POLA1: variants seen among roughly 807,000 people sequenced by gnomAD.
The protein encoded by POLA1 is DNA polymerase alpha catalytic subunit.
In POLA1, 15 loss-of-function variants were observed where a neutral mutation model predicts 124.0. The observed-to-expected ratio is 0.12, with a 90% CI of 0.08 to 0.19. The LOEUF (loss-of-function observed/expected upper bound fraction) is 0.19, where lower values mean the gene tolerates loss of function less well. POLA1 is among the 10% of genes least tolerant of loss of function. POLA1 has a pLI of 1.00. For synonymous variants in POLA1, 408 were observed against 389.4 expected (o/e 1.05, Z -0.56); for missense variants, 886 against 1,103.4 (o/e 0.80, Z 2.79).
chrX:24,747,145 G>A (rs1220371982), intron 24 of POLA1, among the ~76,000 whole-genome samples: 7 of 108,576 alleles, frequency 6.4e-5, no homozygotes, highest in Non-Finnish European at 9.5e-5. Context: ...CTATTTAAAT[G>A]TGCTCCAAGC....
At position 24,726,066 on chromosome X, in the gene POLA1, CAA is replaced by C; in HGVS notation, c.1392+13_1392+14del. ...GAAGTTAAATACTCGGTAAGTCAAA[CAA>C]AGAAAATTACTGGGTTTTGCTTGAG... On this transcript the variant is annotated intron_variant, in intron 13 of 36. Coordinates refer to ENST00000379068, the MANE Select transcript of POLA1 (RefSeq NM_001330360.2). The C allele has an allele frequency of 3.9e-6, 4 of 1,037,340 alleles. No homozygotes were observed. The highest frequency in any genetic ancestry group is 5.3e-6 in the Non-Finnish European group (4 of 747,729). 85.5% of individuals were successfully genotyped at this position (1,037,340 alleles called of 1,213,427 possible).
At chrX:24,977,338 T>C (rs1171757848) in intron 36 of POLA1, among the ~76,000 whole-genome samples, 1 of 112,864 alleles carries the variant, frequency 8.9e-6, no homozygotes, top group African/African-American at 3.2e-5. Context: ...TCAGTGTTCC[T>C]CATAATTTTG....
intron 28 of POLA1, 110 bp from the exon 29 acceptor site, chrX:24,812,548 T>C: frequency 2.1e-6 from 1 of 482,550 alleles, no homozygotes. Context: ...AATTCCAATG[T>C]TGTATGACTT....
chrX:24,746,694 G>A (rs1376771978), intron 24 of POLA1, among the ~76,000 whole-genome samples: 2 of 111,969 alleles, frequency 1.8e-5, no homozygotes, highest in Non-Finnish European at 3.8e-5. Flanking sequence ...AAATTAGAAT[G>A]TGTACCAGGA....
chrX:24,780,945 A>G lies in POLA1; in HGVS notation c.2965-28953A>G, dbSNP rs2045249450. Among the ~76,000 whole-genome samples the G allele has an allele frequency of 2.7e-5, 3 of 111,833 alleles. No homozygotes were observed. The Admixed American group carries it at 2.9e-4, about 11-fold the overall frequency. On this transcript the variant is annotated intron_variant, in intron 26 of 36. Coordinates refer to ENST00000379068, the MANE Select transcript of POLA1 (RefSeq NM_001330360.2). ...AGAAACTATCTGGGCCTGGACTTTT[A>G]TTTGTTTAAAAATTTTTAACTACAA... is the stretch of plus-strand genomic sequence containing the variant.
chrX:24,725,399 T>C (rs1035393226), intron 12 of POLA1, among the ~76,000 whole-genome samples: 1 of 110,362 alleles, frequency 9.1e-6, no homozygotes, highest in Admixed American at 9.6e-5. Context: ...AGTTTCACCA[T>C]GTTGGCCAGG....
chrX:24,849,866 G>A (rs939576384), intron 34 of POLA1, among the ~76,000 whole-genome samples: 2 of 111,130 alleles, frequency 1.8e-5, no homozygotes, highest in African/African-American at 3.3e-5. Context: ...TCCTGACCTC[G>A]TGATTCGCCT....
intron 26 of POLA1, among the ~76,000 whole-genome samples, chrX:24,792,274 C>T (rs948288526): frequency 5.4e-5 from 6 of 111,555 alleles, no homozygotes; most frequent in African/African-American, 2.0e-4. Flanking sequence ...CCCCCCTCCC[C>T]AATACCACAG....
At chrX:24,734,537 C>T (rs1196942083) in intron 17 of POLA1, among the ~76,000 whole-genome samples, 1 of 111,614 alleles carries the variant, frequency 9.0e-6, no homozygotes, top group Non-Finnish European at 1.9e-5. Flanking sequence ...TTGGGAGGTA[C>T]TGTTAGATTA....
Position 24,748,914 on chromosome X carries a change from G to A in POLA1, c.2886G>A (p.Met962Ile), listed in dbSNP as rs1347097781. ...QKALKLTANS[M>I]YGCLGFSYSR... ...CTTTGAAGCTCACAGCGAACAGTAT[G>A]TATGGTTGCCTGGGATTTTCCTATA... Residue 962 changes from methionine to isoleucine, a missense_variant, in exon 26 of 37, where the codon ATG (methionine) becomes ATA (isoleucine). Met to Ile is a conservative substitution (Grantham distance 10, BLOSUM62 1). Coordinates refer to ENST00000379068, the MANE Select transcript of POLA1 (RefSeq NM_001330360.2). 2 of 1,205,799 alleles carry A rather than the reference G, an allele frequency of 1.7e-6. No individual in the cohort carries two copies. The highest frequency in any genetic ancestry group is 5.9e-5 in the East Asian group (2 of 33,839).
chrX:24,900,027 A>T (rs1320834482), intron 35 of POLA1, among the ~76,000 whole-genome samples: 1 of 112,084 alleles, frequency 8.9e-6, no homozygotes, highest in Non-Finnish European at 1.9e-5. Flanking sequence ...ATGATAAATT[A>T]TTCAGAGCTT....
intron 26 of POLA1, among the ~76,000 whole-genome samples, chrX:24,758,210 C>T (rs1318583103): frequency 9.0e-6 from 1 of 110,794 alleles, no homozygotes; most frequent in Non-Finnish European, 1.9e-5. Flanking sequence ...TTATAATAAA[C>T]AATATATACT....
chrX:24,708,166 G>A (rs1206937726), intron 4 of POLA1, among the ~76,000 whole-genome samples: 3 of 111,280 alleles, frequency 2.7e-5, no homozygotes, highest in Non-Finnish European at 5.7e-5. Context: ...TGAGATTAAA[G>A]CCCTCTCATG....
intron 23 of POLA1, 83 bp downstream of exon 23, chrX:24,743,412 G>C: frequency 2.0e-6 from 1 of 488,993 alleles, no homozygotes; most frequent in Non-Finnish European, 3.5e-6. Flanking sequence ...CTAGAAGACT[G>C]AATTATATCT....
rs1374389090 is a variant in POLA1 at position 24,702,066 on chromosome X, C to CT, written c.169-1172dup. Among the ~76,000 whole-genome samples, 803 of 84,155 alleles carry CT rather than the reference C, an allele frequency of 9.5e-3. 10 individuals are homozygous for CT. The highest frequency in any genetic ancestry group is 0.041 in the Middle Eastern group (5 of 121). 73.1% of individuals were successfully genotyped at this position (84,155 alleles called of 115,157 possible). On this transcript the variant is annotated intron_variant, in intron 2 of 36. Transcript: ENST00000379068. ...ACTGCACCTGGCCGAGAATCAGGTA[C>CT]TTTTTTTTTTTTTGAGATGGAGACT...
intron 4 of POLA1, among the ~76,000 whole-genome samples, chrX:24,713,124 C>T (rs1295943426): frequency 2.7e-5 from 3 of 110,210 alleles, no homozygotes; most frequent in African/African-American, 6.6e-5. Context: ...ACCACCATGC[C>T]TGGCTAATTT....
intron 10 of POLA1, among the ~76,000 whole-genome samples, chrX:24,720,907 C>G (rs1441698132): frequency 1.8e-5 from 2 of 112,283 alleles, no homozygotes; most frequent in African/African-American, 6.5e-5. Flanking sequence ...TTCAGGTGTT[C>G]AATAGCAACT....
chrX:24,780,401 G>A (rs2045237163), intron 26 of POLA1, among the ~76,000 whole-genome samples: 2 of 112,538 alleles, frequency 1.8e-5, no homozygotes, highest in Middle Eastern at 4.6e-3. Context: ...TTAGCCTTTC[G>A]GCATTAAGTA....
chrX:24,926,694 G>A lies in POLA1; in HGVS notation c.4165-3759G>A, dbSNP rs775348612. Among the ~76,000 whole-genome samples the A allele has an allele frequency of 2.0e-4, 22 of 111,432 alleles. 1 individual carries two copies. The South Asian group carries it at 5.7e-3, about 29-fold the overall frequency. On this transcript the variant is annotated intron_variant, in intron 35 of 36. Coordinates refer to ENST00000379068, the MANE Select transcript of POLA1 (RefSeq NM_001330360.2). ...AGTCTATGGTTCTAAAAGTATCCCC[G>A]ATACAGGTAGTGTGTAGCACAGCAG...
Sources: gnomAD v4.1 joint callset for allele counts (sites outside exome capture counted in the v4.1 genomes callset) on GRCh38, gnomAD v4.1.1 for gene constraint, MANE v1.5 for transcripts, NCBI Gene and HGNC (gene_info 2026-07-23, HGNC 2026-07-21) for gene names.